The following DMXL1 variants were observed in gnomAD, a reference collection of about 807,000 sequenced individuals.
The protein encoded by DMXL1 is Dmx like 1.
DMXL1 carries 99 observed loss-of-function variants against 319.2 expected under a neutral mutation model. The observed-to-expected ratio is 0.31, with a 90% CI of 0.26 to 0.37. The LOEUF (loss-of-function observed/expected upper bound fraction) is 0.37, where lower values mean the gene tolerates loss of function less well. DMXL1 is among the 10% of genes least tolerant of loss of function. DMXL1 has a pLI of 1.00. For missense variants in DMXL1, 3,745 were observed against 3,595.6 expected, an observed-to-expected ratio of 1.04 and a Z score of -1.06; for synonymous variants, 1,385 against 1,235.2, an observed-to-expected ratio of 1.12 and a Z score of -2.54.
Position 119,147,323 on chromosome 5 carries a change from A to T in DMXL1, c.2764A>T (p.Ile922Phe), listed in dbSNP as rs763834403. The change falls in exon 17 of 44, where the codon ATC becomes TTC. Residue 922 changes from isoleucine (I) to phenylalanine (F), a missense_variant. Ile to Phe is a conservative substitution (Grantham distance 21). This residue lies in a region of DMXL1 where 2,096 missense variants were observed against 1,985.4 expected (regional missense o/e 1.06). Coordinates refer to ENST00000539542, the MANE Select transcript of DMXL1 (RefSeq NM_001290321.3). The part of the protein sequence containing the change: ...EEHYSSSPEK[I>F]LSPFSQKYQA... ...ACATTATTCTTCTTCTCCAGAGAAG[A>T]TCCTATCTCCTTTTTCACAAAAGTA... 6.2e-7 allele frequency: 1 copy of T among 1,613,646 alleles called. No homozygotes were observed. The highest frequency in any genetic ancestry group is 1.1e-5 in the South Asian group (1 of 91,062).
At chr5:119,111,871 A>G (rs1441366626) in intron 5 of DMXL1, among the ~76,000 whole-genome samples, 3 of 152,254 alleles carry the variant, frequency 2.0e-5, no homozygotes, top group Non-Finnish European at 4.4e-5. Context: ...AGAATGTGAA[A>G]TGTTCAGAAA....
chr5:119,205,001 A>C lies in DMXL1; in HGVS notation c.7863+1565A>C, dbSNP rs950901224. ...GAAACTGTATATGCTGTTATTTACT[A>C]TTTGCCTCATTTTGTAAATATATTC... On this transcript the variant is annotated intron_variant, in intron 33 of 43. Transcript: ENST00000539542. Among the ~76,000 whole-genome samples, 3 of 152,244 alleles carry C rather than the reference A, an allele frequency of 2.0e-5. No homozygotes were observed. In the South Asian group the frequency reaches 6.2e-4, roughly 32 times the overall value.
At chr5:119,090,313 G>T (rs180705025) in intron 1 of DMXL1, among the ~76,000 whole-genome samples, 1 of 151,908 alleles carries the variant, frequency 6.6e-6, no homozygotes, top group East Asian at 1.9e-4. Flanking sequence ...GAGCCACTGT[G>T]CCCGGCCACT....
At chr5:119,188,542 C>A (rs1778158549) in intron 28 of DMXL1, among the ~76,000 whole-genome samples, 1 of 152,136 alleles carries the variant, frequency 6.6e-6, no homozygotes, top group Non-Finnish European at 1.5e-5. Flanking sequence ...TGGTAAACTA[C>A]CGTTTAAGTT....
At chr5:119,118,789 G>C in intron 7 of DMXL1, 26 bp from the exon 8 acceptor site, 1 of 1,543,850 alleles carries the variant, frequency 6.5e-7, no homozygotes. Context: ...TTGTATTTTT[G>C]CTTCTAAAAT....
chr5:119,162,984 C>G (rs1262964396), intron 19 of DMXL1, among the ~76,000 whole-genome samples: 4 of 152,106 alleles, frequency 2.6e-5, no homozygotes, highest in Non-Finnish European at 5.9e-5. Context: ...TATAATTAAT[C>G]ATTTACTTTA....
chr5:119,176,043 TC>T (rs1775740985), intron 26 of DMXL1, among the ~76,000 whole-genome samples: 1 of 152,080 alleles, frequency 6.6e-6, no homozygotes, highest in Admixed American at 6.5e-5. Context: ...TTTCTTTATC[TC>T]TTTTTGTTTC....
At chr5:119,151,439 A>C (rs971487931) in intron 18 of DMXL1, among the ~76,000 whole-genome samples, 4 of 152,128 alleles carry the variant, frequency 2.6e-5, no homozygotes, top group Non-Finnish European at 4.4e-5. Context: ...ACTTTTAGAG[A>C]TATTACTAGT....
Position 119,106,291 on chromosome 5 carries a change from A to C in DMXL1, c.364+1033A>C, listed in dbSNP as rs138853220. ...GAAGTCCCAGAATGTTATTGCTGCCACATTATATGGTCACAGGTCCAGCTA... is the reference window on the plus strand; with the variant it reads ...GAAGTCCCAGAATGTTATTGCTGCCCCATTATATGGTCACAGGTCCAGCTA... On this transcript the variant is annotated intron_variant, in intron 4 of 43. Coordinates refer to ENST00000539542, the MANE Select transcript of DMXL1 (RefSeq NM_001290321.3). Among the ~76,000 whole-genome samples, 421 of 152,312 alleles carry C rather than the reference A, an allele frequency of 2.8e-3. 2 individuals are homozygous for C. Among genetic ancestry groups the C allele is most frequent in the African/African-American group, 9.4e-3 (389 of 41,560 alleles).
intron 22 of DMXL1, 76 bp from the exon 23 acceptor site, chr5:119,167,527 T>C (rs1341954831): frequency 3.3e-6 from 4 of 1,199,624 alleles, no homozygotes; most frequent in Non-Finnish European, 4.7e-6. Flanking sequence ...TTTTTCTAGT[T>C]ATTAGTGAGT....
rs1765485131 is a variant in DMXL1, at chr5:119,134,061, G to T, written c.2137G>T (p.Val713Phe). The T allele has an allele frequency of 6.2e-7, 1 of 1,614,212 alleles. No individual in the cohort carries two copies. Among genetic ancestry groups the T allele is most frequent in the Non-Finnish European group, 8.5e-7 (1 of 1,180,032 alleles). Residue 713 changes from valine (V) to phenylalanine (F), a missense_variant, in exon 12 of 44, where the codon GTT becomes TTT. Coordinates refer to ENST00000539542, the MANE Select transcript of DMXL1 (RefSeq NM_001290321.3). ...GCTTATTCTGTGGAGGGTTGACCCA[G>T]TTGGGCCATTGTCTTTTTCTGGAGG... is the stretch of plus-strand genomic sequence containing the variant. Reference protein sequence around the residue: ...SELILWRVDPVGPLSFSGGVS... With the variant: ...SELILWRVDPFGPLSFSGGVS...
At chr5:119,147,013 C>A (rs1055662884) in intron 16 of DMXL1, 57 bp downstream of exon 16, 2 of 1,576,128 alleles carry the variant, frequency 1.3e-6, no homozygotes, top group Non-Finnish European at 1.7e-6. Context: ...TAACAAATTA[C>A]ACAAAATTAG....
At chr5:119,166,589 T>G (rs2150236651) in intron 21 of DMXL1, 27 bp from the exon 22 acceptor site, 1 of 1,575,462 alleles carries the variant, frequency 6.3e-7, no homozygotes, top group South Asian at 1.2e-5. Flanking sequence ...ATTCCAAAAT[T>G]TTCACACCAT....
chr5:119,105,348 G>A, intron 4 of DMXL1, 90 bp downstream of exon 4: 7 of 1,041,030 alleles, frequency 6.7e-6, no homozygotes, highest in East Asian at 5.0e-5. Flanking sequence ...ACTTCTGCTG[G>A]GTGTGAGGTT....
rs745530279 is a variant in DMXL1 at position 119,206,932 on chromosome 5, A to G, written c.7926+36A>G. ...TCATTCAACTGAAATTAAAAATTGCATTCTTTCACAAAAGAACAAAGCATT... is the reference window on the plus strand; with the variant it reads ...TCATTCAACTGAAATTAAAAATTGCGTTCTTTCACAAAAGAACAAAGCATT... On this transcript the variant is annotated intron_variant, in intron 34 of 43. Transcript: ENST00000539542. 8 of 1,282,398 alleles carry G rather than the reference A, an allele frequency of 6.2e-6. No individual in the cohort carries two copies. In the South Asian group the frequency reaches 1.1e-4, roughly 17 times the overall value. The allele number at this position is 1,282,398 out of a possible 1,614,324, so 79.4% of individuals were successfully genotyped here. A position where few individuals can be genotyped will look rare whatever the true frequency, so the allele number is the denominator to read the frequency against.
At chr5:119,209,881 A>G (rs1186345996) in intron 34 of DMXL1, among the ~76,000 whole-genome samples, 1 of 152,150 alleles carries the variant, frequency 6.6e-6, no homozygotes, top group Non-Finnish European at 1.5e-5. Flanking sequence ...TATGTTCTGG[A>G]TAAAAGTAAT....
intron 40 of DMXL1, 134 bp from the exon 41 acceptor site, chr5:119,238,855 A>T: frequency 3.5e-6 from 5 of 1,436,180 alleles, no homozygotes; most frequent in Non-Finnish European, 3.6e-6. Flanking sequence ...ATTTTTCTAA[A>T]GTTCAAAGGA....
At chr5:119,122,535 C>G (rs1459521624) in intron 9 of DMXL1, among the ~76,000 whole-genome samples, 1 of 151,506 alleles carries the variant, frequency 6.6e-6, no homozygotes, top group Non-Finnish European at 1.5e-5. Context: ...AGAGGCTCCT[C>G]ACTTCTCAGA....
At position 119,071,106 on chromosome 5, in the gene DMXL1, C is replaced by A. The variant is rs374030459; in HGVS notation, c.-464C>A. ...GGATCCAGAGGCGCGTAGTGAGTGG[C>A]GGAGGACTGTGGGGGTGGCGGGCAC... On this transcript the variant is annotated 5_prime_UTR_variant, in exon 1 of 44. Coordinates refer to ENST00000539542, the MANE Select transcript of DMXL1 (RefSeq NM_001290321.3). The A allele has an allele frequency of 2.8e-5, 5 of 178,634 alleles. No individual in the cohort carries two copies. Among genetic ancestry groups the A allele is most frequent in the Non-Finnish European group, 3.6e-5 (3 of 83,786 alleles). The allele number at this position is 178,634 out of a possible 1,614,324, so 11.1% of individuals were successfully genotyped here. A position where few individuals can be genotyped will look rare whatever the true frequency, so the allele number is the denominator to read the frequency against.
Sources: allele counts gnomAD v4.1 joint callset (sites outside exome capture counted in the v4.1 genomes callset), GRCh38; gene constraint gnomAD v4.1.1; regional missense constraint gnomAD v4.1.1; transcripts MANE v1.5; gene names NCBI Gene and HGNC (gene_info 2026-07-23, HGNC 2026-07-21).